F2R: variants seen among roughly 807,000 people sequenced by gnomAD.
F2R encodes proteinase-activated receptor 1.
A neutral mutation model predicts 18.3 loss-of-function variants in F2R; 12 were observed. The observed-to-expected ratio is 0.66, with a 90% CI of 0.42 to 1.06. F2R has a LOEUF of 1.06. Ranked by LOEUF, F2R falls within the 50% of genes least tolerant of loss-of-function variation. The pLI is 0.00. For synonymous variants in F2R, 210 were observed against 219.9 expected, an observed-to-expected ratio of 0.95 and a Z score of 0.40; for missense variants, 438 against 530.8, an observed-to-expected ratio of 0.83 and a Z score of 1.72.
intron 1 of F2R, among the ~76,000 whole-genome samples, chr5:76,723,359 G>A (rs759102819): frequency 1.3e-5 from 2 of 152,224 alleles, no homozygotes; most frequent in Non-Finnish European, 1.5e-5. Flanking sequence ...TGGTCAAAAG[G>A]TATGACCTTT....
chr5:76,720,262 C>T (rs1748422725), intron 1 of F2R, among the ~76,000 whole-genome samples: 1 of 151,906 alleles, frequency 6.6e-6, no homozygotes, highest in Non-Finnish European at 1.5e-5. Flanking sequence ...ATAGTAAGAC[C>T]CCATCTCTAT....
At chr5:76,730,164 C>G (rs893974020) in intron 1 of F2R, among the ~76,000 whole-genome samples, 3 of 151,696 alleles carry the variant, frequency 2.0e-5, no homozygotes, top group African/African-American at 7.3e-5. Flanking sequence ...GCAGCAGACT[C>G]TTTCTCTCTT....
chr5:76,716,699 C>G, intron 1 of F2R: 1 of 727,696 alleles, frequency 1.4e-6, no homozygotes, highest in Non-Finnish European at 2.5e-6. Flanking sequence ...CTGCGTTGCA[C>G]TTGTCATTGT....
At chr5:76,718,102 A>G (rs1172396171) in intron 1 of F2R, among the ~76,000 whole-genome samples, 1 of 152,102 alleles carries the variant, frequency 6.6e-6, no homozygotes, top group African/African-American at 2.4e-5. Context: ...AGGAATTTTC[A>G]CTTGGATTGT....
rs769834943 is a variant in F2R, at chr5:76,732,961, G to A, written c.736G>A (p.Val246Met). Residue 246 changes from valine (V) to methionine (M), a missense_variant, in exon 2 of 2, where the codon GTG (valine) becomes ATG (methionine). Coordinates refer to ENST00000319211, the MANE Select transcript of F2R (RefSeq NM_001992.5). Reference protein sequence around the residue: ...PLLLKEQTIQVPGLNITTCHD... With the variant: ...PLLLKEQTIQMPGLNITTCHD... ...GCTCCTCAAGGAGCAAACCATCCAG[G>A]TGCCCGGGCTCAACATCACTACCTG... The A allele has an allele frequency of 9.3e-6, 15 of 1,614,120 alleles. No homozygotes were observed. The South Asian group carries it at 1.6e-4, about 18-fold the overall frequency.
intron 1 of F2R, among the ~76,000 whole-genome samples, chr5:76,719,316 G>A (rs532265639): frequency 6.6e-6 from 1 of 152,312 alleles, no homozygotes; most frequent in Admixed American, 6.5e-5. Flanking sequence ...GGGACTGGGT[G>A]CGGTGGCTCA....
intron 1 of F2R, among the ~76,000 whole-genome samples, chr5:76,726,475 G>A (rs1203868021): frequency 6.6e-6 from 1 of 151,852 alleles, no homozygotes; most frequent in Non-Finnish European, 1.5e-5. Flanking sequence ...AGTTAGCAGT[G>A]AGCCGAGATA....
chr5:76,716,279 C>A lies in F2R; in HGVS notation c.-29C>A. ...AGCAGCCCGAGGCGGGGCAGCCTCCCGGAGCAGCGCCGCGCAGAGCCCGGG... is the reference window on the plus strand; with the variant it reads ...AGCAGCCCGAGGCGGGGCAGCCTCCAGGAGCAGCGCCGCGCAGAGCCCGGG... On this transcript the variant is annotated 5_prime_UTR_variant, in exon 1 of 2. Transcript: ENST00000319211. The A allele has an allele frequency of 7.4e-7, 1 of 1,345,050 alleles. No individual in the cohort carries two copies. Among genetic ancestry groups the A allele is most frequent in the Non-Finnish European group, 9.5e-7 (1 of 1,054,230 alleles). 83.3% of individuals were successfully genotyped at this position (1,345,050 alleles called of 1,614,324 possible).
At chr5:76,731,535 A>C (rs899335603) in intron 1 of F2R, among the ~76,000 whole-genome samples, 1 of 144,438 alleles carries the variant, frequency 6.9e-6, no homozygotes, top group South Asian at 2.2e-4. Context: ...ATTTCTATTT[A>C]TTTTTATTTT....
chr5:76,733,652 GCATGTATTTTTGT>G lies in F2R; in HGVS notation c.*152_*164del. 3.1e-6 allele frequency: 2 copies of G among 638,988 alleles called. No homozygotes were observed. The highest frequency in any genetic ancestry group is 5.3e-6 in the Non-Finnish European group (2 of 379,296). 39.6% of individuals were successfully genotyped at this position (638,988 alleles called of 1,614,324 possible). Reference sequence around the variant, plus strand: ...ACCTGCTTTTTATGGGAGCTGTCAAGCATGTATTTTTGTCAATTACCAGAAAGATAACAGGACG... The same window carrying G: ...ACCTGCTTTTTATGGGAGCTGTCAAGCAATTACCAGAAAGATAACAGGACG... On this transcript the variant is annotated 3_prime_UTR_variant, in exon 2 of 2. Transcript: ENST00000319211.
At chr5:76,721,874 T>C (rs1289838827) in intron 1 of F2R, among the ~76,000 whole-genome samples, 1 of 151,782 alleles carries the variant, frequency 6.6e-6, no homozygotes, top group Non-Finnish European at 1.5e-5. Flanking sequence ...TGCATTTTGA[T>C]ATTTTCCACA....
At chr5:76,722,153 T>G (rs1748472828) in intron 1 of F2R, among the ~76,000 whole-genome samples, 1 of 152,068 alleles carries the variant, frequency 6.6e-6, no homozygotes, top group East Asian at 1.9e-4. Flanking sequence ...ATGGGGACAG[T>G]TTTTATAGTA....
At chr5:76,729,213 A>T (rs1748626637) in intron 1 of F2R, among the ~76,000 whole-genome samples, 1 of 152,196 alleles carries the variant, frequency 6.6e-6, no homozygotes, top group African/African-American at 2.4e-5. Flanking sequence ...AACAGGTATG[A>T]AGTGATAACT....
At chr5:76,721,978 C>A (rs1748464918) in intron 1 of F2R, among the ~76,000 whole-genome samples, 1 of 152,208 alleles carries the variant, frequency 6.6e-6, no homozygotes, top group African/African-American at 2.4e-5. Context: ...ATTGCAGCAG[C>A]TACATGAATA....
intron 1 of F2R, among the ~76,000 whole-genome samples, chr5:76,731,847 A>T (rs1226608947): frequency 6.6e-6 from 1 of 152,098 alleles, no homozygotes; most frequent in Non-Finnish European, 1.5e-5. Flanking sequence ...TCAACTTTCT[A>T]TGTGGATTTT....
Position 76,733,460 on chromosome 5 carries a change from C to A in F2R, c.1235C>A (p.Ser412Tyr), listed in dbSNP as rs2227799. The A allele has an allele frequency of 2.7e-4, 438 of 1,614,016 alleles. No homozygotes were observed. In the Middle Eastern group the frequency reaches 3.5e-3, roughly 13 times the overall value. ...ATGGCAAGTAAAATGGATACCTGCT[C>A]TAGTAACCTGAATAACAGCATATAC... is the stretch of plus-strand genomic sequence containing the variant. The part of the protein sequence containing the change: ...QLMASKMDTC[S>Y]SNLNNSIYKK... The change falls in exon 2 of 2, where the codon TCT (serine) becomes TAT (tyrosine). Residue 412 changes from serine (S) to tyrosine (Y), a missense_variant. Ser to Tyr is a moderately radical substitution (Grantham distance 144). Coordinates refer to ENST00000319211, the MANE Select transcript of F2R (RefSeq NM_001992.5).
At chr5:76,722,974 C>G (rs1748493871) in intron 1 of F2R, among the ~76,000 whole-genome samples, 2 of 151,216 alleles carry the variant, frequency 1.3e-5, no homozygotes, top group Non-Finnish European at 2.9e-5. Flanking sequence ...AGAATTTTGT[C>G]TTTAATTCTG....
chr5:76,728,651 A>G (rs1019134533), intron 1 of F2R, among the ~76,000 whole-genome samples: 2 of 150,520 alleles, frequency 1.3e-5, no homozygotes, highest in East Asian at 1.9e-4. Flanking sequence ...TAATTCTGCA[A>G]TGAACATGAG....
chr5:76,719,799 C>T (rs1055722117), intron 1 of F2R, among the ~76,000 whole-genome samples: 2 of 152,160 alleles, frequency 1.3e-5, no homozygotes, highest in South Asian at 2.1e-4. Context: ...TGTGCCCTAT[C>T]GCCTTGGTAG....
Sources: gnomAD v4.1 joint callset for allele counts (sites outside exome capture counted in the v4.1 genomes callset) on GRCh38, gnomAD v4.1.1 for gene constraint, MANE v1.5 for transcripts, NCBI Gene and HGNC (gene_info 2026-07-23, HGNC 2026-07-21) for gene names.